Variants in PHYHIPL observed in about 807,000 individuals in gnomAD.
PHYHIPL encodes phytanoyl-CoA 2-hydroxylase interacting protein like.
In PHYHIPL, 9 loss-of-function variants were observed where a neutral mutation model predicts 33.4. That is an observed-to-expected ratio of 0.27 (90% CI 0.16 to 0.47). The LOEUF is 0.47. Ranked by LOEUF, PHYHIPL falls within the 20% of genes least tolerant of loss-of-function variation. The pLI, the probability that PHYHIPL is intolerant of heterozygous loss-of-function variation, is 0.99. For synonymous variants in PHYHIPL, 153 were observed against 154.1 expected, an observed-to-expected ratio of 0.99 and a Z score of 0.05; for missense variants, 365 against 460.7, an observed-to-expected ratio of 0.79 and a Z score of 1.90.
chr10:59,193,660 G>A (rs2452515), intron 1 of PHYHIPL, among the ~76,000 whole-genome samples: 7,011 of 152,014 alleles, frequency 0.046, 452 homozygotes, highest in African/African-American at 0.14. Flanking sequence ...TTTTGTTTAA[G>A]CTTAGATAAA....
At chr10:59,220,924 AAC>A (rs992106131) in intron 1 of PHYHIPL, among the ~76,000 whole-genome samples, 3 of 152,174 alleles carry the variant, frequency 2.0e-5, no homozygotes, top group African/African-American at 7.2e-5. Context: ...ATTATTGTAA[AAC>A]ACTCAAATTA....
intron 4 of PHYHIPL, 166 bp downstream of exon 4, chr10:59,238,871 G>T: frequency 3.8e-6 from 2 of 524,046 alleles, no homozygotes; most frequent in South Asian, 2.5e-5. Flanking sequence ...AAAAGATCAT[G>T]GGATTTTTTT....
Position 59,188,841 on chromosome 10 carries a change from A to G in PHYHIPL, c.106+11882A>G, listed in dbSNP as rs551387378. ...TTGGTAGATCTTCCTCCATCCCTTT[A>G]TTTTGAGCCTATGTGTGTCTCTGCA... On this transcript the variant is annotated intron_variant, in intron 1 of 4. Transcript: ENST00000373880. Among the ~76,000 whole-genome samples the G allele has an allele frequency of 1.3e-4, 20 of 151,868 alleles. 1 individual carries two copies. The South Asian group carries it at 3.7e-3, about 28-fold the overall frequency.
At chr10:59,236,882 A>G (rs1438107893) in intron 3 of PHYHIPL, among the ~76,000 whole-genome samples, 24 of 151,886 alleles carry the variant, frequency 1.6e-4, no homozygotes, top group Non-Finnish European at 1.5e-5. Flanking sequence ...ATTTTTTTCT[A>G]TATCCATAGT....
intron 1 of PHYHIPL, among the ~76,000 whole-genome samples, chr10:59,190,125 A>G (rs1838744820): frequency 6.6e-6 from 1 of 151,996 alleles, no homozygotes; most frequent in Non-Finnish European, 1.5e-5. Context: ...CATTTTTCAA[A>G]TAGTCAATCA....
intron 1 of PHYHIPL, among the ~76,000 whole-genome samples, chr10:59,215,968 G>A (rs1353520938): frequency 6.6e-6 from 1 of 151,964 alleles, no homozygotes; most frequent in Non-Finnish European, 1.5e-5. Flanking sequence ...AGAAATACTA[G>A]GTTAGAGGAA....
intron 1 of PHYHIPL, among the ~76,000 whole-genome samples, chr10:59,207,106 A>G (rs1156927018): frequency 1.3e-5 from 2 of 152,218 alleles, no homozygotes; most frequent in East Asian, 1.9e-4. Flanking sequence ...AGCTGTATAC[A>G]TTACTTAAGA....
intron 1 of PHYHIPL, among the ~76,000 whole-genome samples, chr10:59,208,492 G>C (rs989540619): frequency 6.6e-6 from 1 of 152,040 alleles, no homozygotes; most frequent in Non-Finnish European, 1.5e-5. Flanking sequence ...AAGGCTGAAA[G>C]TTCCAAAAAC....
chr10:59,180,798 G>A lies in PHYHIPL; in HGVS notation c.106+3839G>A, dbSNP rs115427545. Among the ~76,000 whole-genome samples the A allele has an allele frequency of 6.5e-3, 984 of 152,152 alleles. 12 individuals carry two copies. Among genetic ancestry groups the A allele is most frequent in the African/African-American group, 0.022 (927 of 41,512 alleles). ...GACCTCACTTATGTTATTGGCATGT[G>A]GATTAAACAAATTTTAACTTTGGAA... On this transcript the variant is annotated intron_variant, in intron 1 of 4. Transcript: ENST00000373880.
intron 1 of PHYHIPL, among the ~76,000 whole-genome samples, chr10:59,223,020 A>G (rs772345646): frequency 6.6e-6 from 1 of 152,146 alleles, no homozygotes; most frequent in Non-Finnish European, 1.5e-5. Context: ...TAGAATTCCA[A>G]CCCATGTCTG....
chr10:59,222,461 G>A (rs1472283482), intron 1 of PHYHIPL, among the ~76,000 whole-genome samples: 1 of 151,874 alleles, frequency 6.6e-6, no homozygotes, highest in Non-Finnish European at 1.5e-5. Context: ...ACACCAAGCA[G>A]GGTGGCAAGC....
intron 1 of PHYHIPL, among the ~76,000 whole-genome samples, chr10:59,190,849 T>C (rs1164576948): frequency 6.6e-6 from 1 of 151,886 alleles, no homozygotes; most frequent in East Asian, 1.9e-4. Context: ...TGAAATTTTC[T>C]GTTCTTAACC....
In PHYHIPL at chr10:59,180,332, A is replaced by G. The variant is rs1280182027; in HGVS notation, c.106+3373A>G. 2.2e-3 allele frequency among the ~76,000 whole-genome samples: 156 copies of G among 71,648 alleles called. 5 individuals carry two copies. Among genetic ancestry groups the G allele is most frequent in the African/African-American group, 5.3e-3 (146 of 27,598 alleles). The allele number at this position is 71,648 out of a possible 152,430, so 47.0% of individuals were successfully genotyped here. A position where few individuals can be genotyped will look rare whatever the true frequency, so the allele number is the denominator to read the frequency against. On this transcript the variant is annotated intron_variant, in intron 1 of 4. Transcript: ENST00000373880. ...AGAAAAAGTATATATATATATATAT[A>G]TATATATATATATATATATATATAT...
chr10:59,224,158 A>AATGTT (rs1171160464), intron 1 of PHYHIPL, among the ~76,000 whole-genome samples: 1 of 152,164 alleles, frequency 6.6e-6, no homozygotes, highest in African/African-American at 2.4e-5. Context: ...TATACGGGTG[A>AATGTT]ATGTTATGTT....
chr10:59,229,225 G>A (rs1840010023), intron 1 of PHYHIPL, among the ~76,000 whole-genome samples: 1 of 151,968 alleles, frequency 6.6e-6, no homozygotes, highest in South Asian at 2.1e-4. Context: ...AAGGAATTTA[G>A]TTAAAATAAG....
At chr10:59,176,980 G>A in intron 1 of PHYHIPL, 21 bp downstream of exon 1, 1 of 1,605,392 alleles carries the variant, frequency 6.2e-7, no homozygotes. Context: ...CCGGGACCGC[G>A]AGGAAAGGGA....
rs185416775 is a variant in PHYHIPL at position 59,186,286 on chromosome 10, C to T, written c.106+9327C>T. ...AGATCAGATAGTTGTAGATATGTGG[C>T]ATTATTTCTGAGGCCTCTGTTCTGT... On this transcript the variant is annotated intron_variant, in intron 1 of 4. Coordinates refer to ENST00000373880, the MANE Select transcript of PHYHIPL (RefSeq NM_032439.4). Among the ~76,000 whole-genome samples the T allele has an allele frequency of 4.9e-4, 74 of 152,242 alleles. 2 individuals carry two copies. In the East Asian group the frequency reaches 0.014, roughly 28 times the overall value.
intron 1 of PHYHIPL, among the ~76,000 whole-genome samples, chr10:59,181,430 C>CT (rs1838410102): frequency 6.6e-6 from 1 of 152,062 alleles, no homozygotes; most frequent in South Asian, 2.1e-4. Flanking sequence ...TTTTACTTCT[C>CT]TTTTACCATC....
intron 1 of PHYHIPL, among the ~76,000 whole-genome samples, chr10:59,180,079 A>C (rs1838360677): frequency 6.6e-6 from 1 of 151,578 alleles, no homozygotes; most frequent in South Asian, 2.1e-4. Context: ...TACTTTTATT[A>C]TGACTTTTCA....
Sources: gnomAD v4.1 joint callset for allele counts (sites outside exome capture counted in the v4.1 genomes callset) on GRCh38, gnomAD v4.1.1 for gene constraint, MANE v1.5 for transcripts, NCBI Gene and HGNC (gene_info 2026-07-23, HGNC 2026-07-21) for gene names.